The following CHIC2 variants were observed in gnomAD, a reference collection of about 807,000 sequenced individuals.
CHIC2 encodes the protein cysteine rich hydrophobic domain 2.
Under a neutral mutation model 25.9 loss-of-function variants are expected in CHIC2, and 14 were observed. That is an observed-to-expected ratio of 0.54 (90% CI 0.36 to 0.85). The LOEUF (loss-of-function observed/expected upper bound fraction) is 0.85. Ranked by LOEUF, CHIC2 falls within the 40% of genes least tolerant of loss-of-function variation. The probability of loss-of-function intolerance (pLI) is 0.01; values close to 1 mark genes in which losing one functional copy is unlikely to be tolerated. For missense variants in CHIC2, 146 were observed against 202.0 expected (o/e 0.72, Z 1.68); for synonymous variants, 70 against 72.0 (o/e 0.97, Z 0.14).
chr4:54,045,395 T>G (rs9684931), intron 3 of CHIC2, among the ~76,000 whole-genome samples: 60,495 of 151,588 alleles, frequency 0.4, 13,108 homozygotes, highest in African/African-American at 0.56. Flanking sequence ...ATGCAAAAAT[T>G]CTCAATAAAA....
At chr4:54,044,760 A>C (rs1716726004) in intron 3 of CHIC2, among the ~76,000 whole-genome samples, 3 of 152,132 alleles carry the variant, frequency 2.0e-5, no homozygotes, top group South Asian at 2.1e-4. Flanking sequence ...GAGCAAACAC[A>C]TTCAAAAGCT....
chr4:54,020,502 C>T (rs1560382538), intron 3 of CHIC2, among the ~76,000 whole-genome samples: 1 of 152,200 alleles, frequency 6.6e-6, no homozygotes, highest in East Asian at 1.9e-4. Context: ...CACACTGACG[C>T]GTGAGACATT....
At chr4:54,019,821 A>G (rs1486323976) in intron 3 of CHIC2, among the ~76,000 whole-genome samples, 4 of 152,082 alleles carry the variant, frequency 2.6e-5, no homozygotes, top group Admixed American at 6.6e-5. Context: ...GTCAAATAAA[A>G]ATGCGCTTGG....
chr4:54,062,905 GA>G (rs1717380362), intron 1 of CHIC2, among the ~76,000 whole-genome samples: 1 of 152,164 alleles, frequency 6.6e-6, no homozygotes, highest in Admixed American at 6.5e-5. Flanking sequence ...ACAACACTTA[GA>G]AAGTATTATT....
chr4:54,044,218 C>G (rs1268825679), intron 3 of CHIC2, among the ~76,000 whole-genome samples: 1 of 152,182 alleles, frequency 6.6e-6, no homozygotes, highest in African/African-American at 2.4e-5. Context: ...TTTAACACCC[C>G]ACTGTCAACA....
At chr4:54,054,171 AG>A (rs995950334) in intron 1 of CHIC2, among the ~76,000 whole-genome samples, 4 of 152,260 alleles carry the variant, frequency 2.6e-5, no homozygotes, top group African/African-American at 9.6e-5. Context: ...AGGTATTTTA[AG>A]ATAAGTAAAC....
At chr4:54,053,970 T>C (rs558315593) in intron 1 of CHIC2, among the ~76,000 whole-genome samples, 1 of 152,136 alleles carries the variant, frequency 6.6e-6, no homozygotes, top group Non-Finnish European at 1.5e-5. Flanking sequence ...TTTGTATTTT[T>C]AGTAGAGACG....
intron 3 of CHIC2, among the ~76,000 whole-genome samples, chr4:54,039,226 T>A (rs977610484): frequency 1.3e-5 from 2 of 152,068 alleles, no homozygotes; most frequent in African/African-American, 2.4e-5. Flanking sequence ...TATTTTTTTT[T>A]AAAGCGATGA....
the CHIC2 span, among the ~76,000 whole-genome samples, chr4:54,084,959 C>CAAAAAAAAAAAAAAAAAAAAAAA: frequency 3.1e-4 from 18 of 58,916 alleles, no homozygotes; most frequent in East Asian, 1.2e-3. Flanking sequence ...TGCTCTGTCT[C>CAAAAAAAAAAAAAAAAAAAAAAA]AAAAAAAAAA....
the CHIC2 span, among the ~76,000 whole-genome samples, chr4:54,077,757 C>T: frequency 6.6e-6 from 1 of 152,190 alleles, no homozygotes; most frequent in Admixed American, 6.5e-5. Flanking sequence ...TCTGTTAGGT[C>T]TCTATAACTT....
chr4:54,077,202 C>T, the CHIC2 span, among the ~76,000 whole-genome samples: 1 of 152,166 alleles, frequency 6.6e-6, no homozygotes, highest in Admixed American at 6.6e-5. Context: ...CGTTTTCATG[C>T]TGTTATAATC....
At position 54,010,080 on chromosome 4, in the gene CHIC2, T is replaced by C; in HGVS notation, c.*15A>G. 1 of 1,577,130 alleles carries C rather than the reference T, an allele frequency of 6.3e-7. No homozygotes were observed. The highest frequency in any genetic ancestry group is 8.7e-7 in the Non-Finnish European group (1 of 1,148,228). On this transcript the variant is annotated 3_prime_UTR_variant, in exon 6 of 6. Coordinates refer to ENST00000263921, the MANE Select transcript of CHIC2 (RefSeq NM_012110.4). Reference sequence around the variant, plus strand: ...AGACAACATACTTGGAAAGTCTCTATAAATAAAGTAAATGCTAATCTGGTC... The same window carrying C: ...AGACAACATACTTGGAAAGTCTCTACAAATAAAGTAAATGCTAATCTGGTC...
At chr4:54,034,184 C>A (rs1298491677) in intron 3 of CHIC2, among the ~76,000 whole-genome samples, 1 of 152,036 alleles carries the variant, frequency 6.6e-6, no homozygotes, top group Non-Finnish European at 1.5e-5. Context: ...GTGGACAGAT[C>A]ACCTCAGGTC....
At chr4:54,039,167 C>T (rs1716488043) in intron 3 of CHIC2, among the ~76,000 whole-genome samples, 1 of 152,066 alleles carries the variant, frequency 6.6e-6, no homozygotes, top group Non-Finnish European at 1.5e-5. Context: ...AGAAAATTTT[C>T]ATGACCTTGG....
At chr4:54,020,097 A>C (rs780797573) in intron 3 of CHIC2, among the ~76,000 whole-genome samples, 1 of 152,178 alleles carries the variant, frequency 6.6e-6, no homozygotes, top group Non-Finnish European at 1.5e-5. Flanking sequence ...CTCTGAGCCC[A>C]AGCTAAGCCA....
upstream of CHIC2, among the ~76,000 whole-genome samples, chr4:54,068,708 C>A (rs182698058): frequency 6.6e-6 from 1 of 152,310 alleles, no homozygotes; most frequent in East Asian, 1.9e-4. Context: ...CACCAACAAG[C>A]AAGCAATCAG....
intron 3 of CHIC2, among the ~76,000 whole-genome samples, chr4:54,047,737 C>T (rs938278050): frequency 6.6e-6 from 1 of 151,632 alleles, no homozygotes; most frequent in African/African-American, 2.4e-5. Flanking sequence ...CAACATGGCA[C>T]ATGTATACAT....
intron 3 of CHIC2, among the ~76,000 whole-genome samples, chr4:54,046,932 T>C (rs1716844518): frequency 6.6e-6 from 1 of 152,046 alleles, no homozygotes; most frequent in Admixed American, 6.6e-5. Context: ...GAATCTACAA[T>C]GAACTCAAAC....
chr4:54,066,554 C>T (rs1717524571), upstream of CHIC2, among the ~76,000 whole-genome samples: 1 of 151,658 alleles, frequency 6.6e-6, no homozygotes, highest in African/African-American at 2.4e-5. Context: ...GTGGCTTTCT[C>T]AAGGCCATGT....
Sources: allele counts gnomAD v4.1 joint callset (sites outside exome capture counted in the v4.1 genomes callset), GRCh38; gene constraint gnomAD v4.1.1; transcripts MANE v1.5; gene names NCBI Gene and HGNC (gene_info 2026-07-23, HGNC 2026-07-21).